The following DGKI variants were observed in gnomAD, a reference collection of about 807,000 sequenced individuals.
DGKI encodes diacylglycerol kinase iota, also known as DAG kinase iota.
In DGKI, 55 loss-of-function variants were observed where a neutral mutation model predicts 147.5. That is an observed-to-expected ratio of 0.37 (90% CI 0.30 to 0.47). DGKI has a LOEUF of 0.47. Among genes scored for constraint, DGKI ranks in the 20% least tolerant of loss-of-function variants. The probability of loss-of-function intolerance (pLI) is 1.00; values close to 1 mark genes in which losing one functional copy is unlikely to be tolerated. For synonymous variants in DGKI, 469 were observed against 477.1 expected, an observed-to-expected ratio of 0.98 and a Z score of 0.22; for missense variants, 1,007 against 1,323.8, an observed-to-expected ratio of 0.76 and a Z score of 3.71.
chr7:137,729,510 AAAT>A (rs1794808075), intron 1 of DGKI, among the ~76,000 whole-genome samples: 1 of 152,170 alleles, frequency 6.6e-6, no homozygotes, highest in Non-Finnish European at 1.5e-5. Context: ...TATAAAAACT[AAAT>A]AACTCTTTGA....
chr7:137,407,363 C>T (rs974433922), intron 30 of DGKI, among the ~76,000 whole-genome samples: 1 of 151,934 alleles, frequency 6.6e-6, no homozygotes, highest in African/African-American at 2.4e-5. Flanking sequence ...CCACAGACAA[C>T]ACAATAGTAC....
chr7:137,621,568 A>T (rs529350247), intron 7 of DGKI, among the ~76,000 whole-genome samples: 1 of 152,246 alleles, frequency 6.6e-6, no homozygotes, highest in Non-Finnish European at 1.5e-5. Flanking sequence ...CTGTGAAAAC[A>T]TATCAACCGC....
At chr7:137,460,742 A>G (rs1204427164) in intron 27 of DGKI, among the ~76,000 whole-genome samples, 1 of 152,180 alleles carries the variant, frequency 6.6e-6, no homozygotes, top group East Asian at 1.9e-4. Flanking sequence ...AGATACTCCA[A>G]CTTGTACAAT....
chr7:137,472,356 A>ATATATACATATATTTAATG (rs1814989842), intron 23 of DGKI, among the ~76,000 whole-genome samples: 1 of 5,984 alleles, frequency 1.7e-4, no homozygotes, highest in African/African-American at 3.4e-4. Context: ...TATTATATGT[A>ATATATACATATATTTAATG]TATATACATA....
chr7:137,633,212 C>CAA (rs575170478), intron 6 of DGKI, among the ~76,000 whole-genome samples: 134 of 65,600 alleles, frequency 2.0e-3, no homozygotes, highest in Admixed American at 4.3e-3. Context: ...AACTCGTTCT[C>CAA]AAAAAAAAAA....
At chr7:137,596,884 G>A (rs373156918) in intron 12 of DGKI, among the ~76,000 whole-genome samples, 1 of 152,180 alleles carries the variant, frequency 6.6e-6, no homozygotes, top group East Asian at 1.9e-4. Flanking sequence ...TTCTAATTAG[G>A]GAAATTAGAG....
At chr7:137,517,790 G>A (rs528547275) in intron 21 of DGKI, among the ~76,000 whole-genome samples, 9 of 152,176 alleles carry the variant, frequency 5.9e-5, no homozygotes, top group African/African-American at 1.4e-4. Flanking sequence ...GCAGGTAAAC[G>A]TTCAGATCAT....
rs191934597 is a variant in DGKI at position 137,711,020 on chromosome 7, C to A, written c.402-21018G>T. Among the ~76,000 whole-genome samples the A allele has an allele frequency of 4.6e-5, 7 of 152,222 alleles. No homozygotes were observed. In the East Asian group the frequency reaches 1.4e-3, roughly 29 times the overall value. The stretch of plus-strand genomic sequence containing the variant: ...ATCCATCAGATAACTGGAAATTCAT[C>A]CCCGTCCTCCTCCTCCCCCTTTTCT... On this transcript the variant is annotated intron_variant, in intron 1 of 32. Coordinates refer to ENST00000614521, the MANE Select transcript of DGKI (RefSeq NM_001321708.2).
intron 3 of DGKI, among the ~76,000 whole-genome samples, chr7:137,665,019 G>GC (rs3837069): frequency 0.18 from 26,737 of 152,068 alleles, 7,128 homozygotes; most frequent in African/African-American, 0.58. Flanking sequence ...AAAGGGCACA[G>GC]CCATGCAAAG....
chr7:137,389,297 C>G lies in DGKI; in HGVS notation c.*1923G>C, dbSNP rs142473646. On this transcript the variant is annotated 3_prime_UTR_variant, in exon 33 of 33. Transcript: ENST00000614521. The stretch of plus-strand genomic sequence containing the variant: ...GAGGCTGATATATGGAAGTAGATTA[C>G]TCACAACCCAATCCATCCTCCCACC... The G allele has an allele frequency of 6.6e-6, 1 of 152,244 alleles. No individual in the cohort carries two copies. The highest frequency in any genetic ancestry group is 2.4e-5 in the African/African-American group (1 of 41,544). 9.4% of individuals were successfully genotyped at this position (152,244 alleles called of 1,614,324 possible).
At chr7:137,445,509 T>C (rs1373903613) in intron 27 of DGKI, among the ~76,000 whole-genome samples, 2 of 152,086 alleles carry the variant, frequency 1.3e-5, no homozygotes, top group Non-Finnish European at 2.9e-5. Flanking sequence ...TCCCACTGGA[T>C]TCCCTTATTT....
intron 5 of DGKI, among the ~76,000 whole-genome samples, chr7:137,648,656 C>T (rs1821916650): frequency 6.6e-6 from 1 of 152,192 alleles, no homozygotes; most frequent in Non-Finnish European, 1.5e-5. Flanking sequence ...TCGTGCTACT[C>T]AGAACAGCAT....
intron 3 of DGKI, among the ~76,000 whole-genome samples, chr7:137,672,741 TCTC>T (rs1822887713): frequency 1.4e-5 from 2 of 147,856 alleles, no homozygotes; most frequent in South Asian, 4.3e-4. Context: ...ATGGCCTTCT[TCTC>T]TGTGTGTGTG....
intron 1 of DGKI, among the ~76,000 whole-genome samples, chr7:137,694,269 C>T (rs1198978618): frequency 1.3e-5 from 2 of 149,164 alleles, no homozygotes; most frequent in South Asian, 2.1e-4. Context: ...CTGCAGTGAG[C>T]GGAGATCGTG....
At chr7:137,844,529 G>C (rs1229835824) in intron 1 of DGKI, among the ~76,000 whole-genome samples, 2 of 152,218 alleles carry the variant, frequency 1.3e-5, no homozygotes, top group African/African-American at 4.8e-5. Context: ...CACTGATGCA[G>C]GAATTGGAGA....
chr7:137,464,382 T>C (rs1365088807), intron 26 of DGKI, among the ~76,000 whole-genome samples: 1 of 149,410 alleles, frequency 6.7e-6, no homozygotes, highest in African/African-American at 2.5e-5. Context: ...TTAGGTGGGG[T>C]AGGAGGACAC....
chr7:137,392,781 G>A (rs866405925), intron 32 of DGKI, among the ~76,000 whole-genome samples: 4 of 152,282 alleles, frequency 2.6e-5, no homozygotes, highest in South Asian at 2.1e-4. Context: ...TTGCTGAGGT[G>A]GGCCTTTGAG....
At chr7:137,587,601 T>C (rs1421320425) in intron 12 of DGKI, among the ~76,000 whole-genome samples, 4 of 152,218 alleles carry the variant, frequency 2.6e-5, no homozygotes, top group African/African-American at 4.8e-5. Flanking sequence ...CTTGACTAAA[T>C]TATTTAACCT....
intron 21 of DGKI, among the ~76,000 whole-genome samples, chr7:137,507,477 C>A (rs1470650460): frequency 1.3e-5 from 2 of 152,060 alleles, no homozygotes; most frequent in African/African-American, 4.8e-5. Flanking sequence ...ACATAAGGAA[C>A]ATGCAACTCA....
Sources: gnomAD v4.1 joint callset for allele counts (sites outside exome capture counted in the v4.1 genomes callset) on GRCh38, gnomAD v4.1.1 for gene constraint, MANE v1.5 for transcripts, NCBI Gene and HGNC (gene_info 2026-07-23, HGNC 2026-07-21) for gene names.